The following MID1 variants were observed in gnomAD, a reference collection of about 807,000 sequenced individuals.
MID1 encodes E3 ubiquitin-protein ligase Midline-1.
A neutral mutation model predicts 40.4 loss-of-function variants in MID1; 7 were observed. That is an observed-to-expected ratio of 0.17 (90% CI 0.10 to 0.33). The LOEUF is 0.33. Among genes scored for constraint, MID1 ranks in the 10% least tolerant of loss-of-function variants. The pLI, the probability that MID1 is intolerant of heterozygous loss-of-function variation, is 1.00. For missense variants in MID1, 367 were observed against 558.5 expected (o/e 0.66, Z 3.46); for synonymous variants, 229 against 221.2 (o/e 1.04, Z -0.31).
intron 1 of MID1, among the ~76,000 whole-genome samples, chrX:10,752,863 C>T: frequency 8.9e-6 from 1 of 112,222 alleles, no homozygotes; most frequent in Non-Finnish European, 1.9e-5. Flanking sequence ...AGTTACAACA[C>T]ATCTGAAATT....
chrX:10,572,966 G>T (rs140307337), intron 1 of MID1, among the ~76,000 whole-genome samples: 1 of 112,026 alleles, frequency 8.9e-6, no homozygotes, highest in Non-Finnish European at 1.9e-5. Context: ...GAGTATCCAT[G>T]GGTGAGTGTC....
chrX:10,521,136 G>A (rs192145077), intron 3 of MID1, among the ~76,000 whole-genome samples: 1 of 103,756 alleles, frequency 9.6e-6, no homozygotes, highest in African/African-American at 3.5e-5. Context: ...GGCGGGCGGT[G>A]GGGGAGGAGT....
At chrX:10,618,369 A>G (rs1272529950) in intron 1 of MID1, among the ~76,000 whole-genome samples, 3 of 112,001 alleles carry the variant, frequency 2.7e-5, no homozygotes, top group Non-Finnish European at 5.6e-5. Context: ...ACCCATGCCA[A>G]TAACACTGCC....
At chrX:10,534,877 C>G (rs1466913554) in intron 2 of MID1, among the ~76,000 whole-genome samples, 1 of 112,689 alleles carries the variant, frequency 8.9e-6, no homozygotes, top group Non-Finnish European at 1.9e-5. Context: ...AATATGAAAG[C>G]ATGCCATTGT....
At chrX:10,656,063 C>T (rs749768104) in intron 1 of MID1, among the ~76,000 whole-genome samples, 11 of 112,518 alleles carry the variant, frequency 9.8e-5, no homozygotes, top group Non-Finnish European at 1.5e-4. Flanking sequence ...TCTACACACA[C>T]ACATGCACAC....
At position 10,831,431 on chromosome X, in the gene MID1, C is replaced by T. The variant is rs144094705; in HGVS notation, c.-187+2123G>A. 1.7e-4 allele frequency among the ~76,000 whole-genome samples: 19 copies of T among 111,636 alleles called. No individual in the cohort carries two copies. In the East Asian group the frequency reaches 5.1e-3, roughly 30 times the overall value. Reference sequence around the variant, plus strand: ...CTCTTTTAACCAGGGCACCTACTAACATCTTGCAGATCTACGGAGGCTGCC... The same window carrying T: ...CTCTTTTAACCAGGGCACCTACTAATATCTTGCAGATCTACGGAGGCTGCC... On this transcript the variant is annotated intron_variant, in intron 1 of 10. Coordinates refer to the MID1 transcript ENST00000380785.
chrX:10,482,686 A>C lies in MID1; in HGVS notation c.865-58T>G, dbSNP rs904435030. ...ACATGGGTGGTCTTGCTTAATGAAA[A>C]GGCATCAGGCTGGATCCTTCATTTT... On this transcript the variant is annotated intron_variant, in intron 4 of 9. Coordinates refer to ENST00000317552, the MANE Select transcript of MID1 (RefSeq NM_000381.4). 7.2e-6 allele frequency: 8 copies of C among 1,109,879 alleles called. No homozygotes were observed. The Admixed American group carries it at 1.3e-4, about 18-fold the overall frequency. The allele number at this position is 1,109,879 out of a possible 1,213,427, so 91.5% of individuals were successfully genotyped here. A position where few individuals can be genotyped will look rare whatever the true frequency, so the allele number is the denominator to read the frequency against.
intron 1 of MID1, among the ~76,000 whole-genome samples, chrX:10,606,239 A>T (rs1935623717): frequency 9.0e-6 from 1 of 111,217 alleles, no homozygotes; most frequent in South Asian, 3.7e-4. Context: ...GCAACTTAAC[A>T]GTATTTCAAA....
chrX:10,558,081 AC>A (rs1934194879), intron 2 of MID1, among the ~76,000 whole-genome samples: 1 of 109,234 alleles, frequency 9.2e-6, no homozygotes, highest in African/African-American at 3.3e-5. Flanking sequence ...AAAAAAAAAA[AC>A]ACTTCACTAT....
chrX:10,495,090 T>C (rs890953046), intron 4 of MID1, among the ~76,000 whole-genome samples: 5 of 111,784 alleles, frequency 4.5e-5, no homozygotes, highest in South Asian at 3.7e-4. Context: ...AAGGAGTATA[T>C]GATATAGTGA....
In MID1 at chrX:10,778,301, A is replaced by G. The variant is rs181925667; in HGVS notation, c.-187+55253T>C. On this transcript the variant is annotated intron_variant, in intron 1 of 10. Transcript: ENST00000380785. ...ATAGGAATTTTTCAGCTCCATTATA[A>G]TCTTATGGGACCACCATCGTATATG... 5.8e-3 allele frequency among the ~76,000 whole-genome samples: 637 copies of G among 110,432 alleles called. 4 individuals carry two copies. Among genetic ancestry groups the G allele is most frequent in the African/African-American group, 0.02 (603 of 30,337 alleles).
chrX:10,752,207 C>T (rs2043604197), intron 1 of MID1, among the ~76,000 whole-genome samples: 1 of 111,835 alleles, frequency 8.9e-6, no homozygotes, highest in Admixed American at 9.5e-5. Context: ...CCACAGTGTC[C>T]ACTCCTCTCC....
At chrX:10,590,054 C>CTTGCTCATG (rs1569119025) in intron 1 of MID1, 3 of 110,691 alleles carry the variant, frequency 2.7e-5, no homozygotes, top group Non-Finnish European at 3.8e-5. Flanking sequence ...GCAGGGGGTA[C>CTTGCTCATG]GTGACAGGGG....
intron 1 of MID1, among the ~76,000 whole-genome samples, chrX:10,817,514 CTCTTTCTTTCTTTCTTTCTTTCTT>C (rs57062100): frequency 5.7e-4 from 46 of 80,437 alleles, no homozygotes; most frequent in South Asian, 1.4e-3. Flanking sequence ...TTCTTTTTTT[CTCTTTCTTTCTTTCTTTCTTTCTT>C]TCTTTCTTTC....
intron 1 of MID1, among the ~76,000 whole-genome samples, chrX:10,583,972 G>A (rs776648585): frequency 1.8e-5 from 2 of 109,369 alleles, no homozygotes; most frequent in Admixed American, 9.7e-5. Context: ...CAGAGGTTGC[G>A]GTGAGCAGAG....
At chrX:10,518,689 TGTAA>T (rs1431877364) in intron 3 of MID1, among the ~76,000 whole-genome samples, 22 of 112,220 alleles carry the variant, frequency 2.0e-4, no homozygotes, top group Admixed American at 4.7e-4. Flanking sequence ...AAATAAGTAC[TGTAA>T]GTATCATTAT....
At chrX:10,455,516 G>GTACA (rs1362863132) in intron 8 of MID1, among the ~76,000 whole-genome samples, 2 of 111,349 alleles carry the variant, frequency 1.8e-5, no homozygotes, top group African/African-American at 6.5e-5. Flanking sequence ...AGCAGCACAG[G>GTACA]TACATACTGG....
intron 3 of MID1, among the ~76,000 whole-genome samples, chrX:10,520,564 G>T (rs1209691903): frequency 8.9e-6 from 1 of 112,003 alleles, no homozygotes; most frequent in Non-Finnish European, 1.9e-5. Flanking sequence ...ACGATCAAAG[G>T]GACTTGAAGG....
In MID1 at chrX:10,769,738, C is replaced by G. The variant is rs1363985979; in HGVS notation, c.-187+63816G>C. On this transcript the variant is annotated intron_variant, in intron 1 of 10. Transcript: ENST00000380785. Reference sequence around the variant, plus strand: ...CTGGCCAACAAATCAAGGCAAATATCTGGAGACTTTGAATCCTGCACCGAG... The same window carrying G: ...CTGGCCAACAAATCAAGGCAAATATGTGGAGACTTTGAATCCTGCACCGAG... 2.7e-5 allele frequency among the ~76,000 whole-genome samples: 3 copies of G among 111,897 alleles called. No individual in the cohort carries two copies. The East Asian group carries it at 8.4e-4, about 31-fold the overall frequency.
Sources: gnomAD v4.1 joint callset for allele counts (sites outside exome capture counted in the v4.1 genomes callset) on GRCh38, gnomAD v4.1.1 for gene constraint, MANE v1.5 for transcripts, NCBI Gene and HGNC (gene_info 2026-07-23, HGNC 2026-07-21) for gene names.